The following LY6H variants were observed in gnomAD, a reference collection of about 807,000 sequenced individuals.
LY6H encodes the protein lymphocyte antigen 6 family member H.
Under a neutral mutation model 14.6 loss-of-function variants are expected in LY6H, and 8 were observed. That is an observed-to-expected ratio of 0.55 (90% confidence interval 0.32 to 0.99). The LOEUF (loss-of-function observed/expected upper bound fraction) is 0.99. LY6H is among the 50% of genes least tolerant of loss of function. The pLI, the probability that LY6H is intolerant of heterozygous loss-of-function variation, is 0.04. For missense variants in LY6H, 196 were observed against 219.6 expected (o/e 0.89, Z 0.68); for synonymous variants, 115 against 97.2 (o/e 1.18, Z -1.08).
At chr8:143,159,890 C>T (rs1815555981) in intron 1 of LY6H, 181 bp from the exon 2 acceptor site, 27 of 1,158,362 alleles carry the variant, frequency 2.3e-5, no homozygotes, top group Non-Finnish European at 2.6e-5. Flanking sequence ...CGTCTGGCCT[C>T]TGGGGCGAGG....
At chr8:143,160,150 G>A (rs1815564231) in intron 1 of LY6H, 48 bp downstream of exon 1, 2 of 1,264,386 alleles carry the variant, frequency 1.6e-6, no homozygotes, top group Non-Finnish European at 2.0e-6. Context: ...GGCGCTCACC[G>A]CGGATGGGGC....
rs777797646 is a variant in LY6H, at chr8:143,158,821, T to C, written c.232A>G (p.Ile78Val). 1.3e-6 allele frequency: 2 copies of C among 1,595,528 alleles called. No homozygotes were observed. The highest frequency in any genetic ancestry group is 1.7e-6 in the Non-Finnish European group (2 of 1,166,768). Residue 78 changes from isoleucine to valine, a missense_variant, in exon 3 of 4, where the codon ATC becomes GTC. By Grantham distance (29) the Ile-to-Val change is conservative. Coordinates refer to ENST00000342752, the MANE Select transcript of LY6H (RefSeq NM_001135655.2). Reference sequence around the variant, plus strand: ...AACTTACTGCTGCTGGGATCGGTGATTCGGACACTGGCACACACCGTGTCG... The same window carrying C: ...AACTTACTGCTGCTGGGATCGGTGACTCGGACACTGGCACACACCGTGTCG... The part of the protein sequence containing the change: ...PSDTVCASVR[I>V]TDPSSSRKDH...
Position 143,157,997 on chromosome 8 carries a change from G to A in LY6H, c.*253C>T. On this transcript the variant is annotated 3_prime_UTR_variant, in exon 4 of 4. Coordinates refer to ENST00000342752, the MANE Select transcript of LY6H (RefSeq NM_001135655.2). ...TTGCTTCACTTCCCCTCCGGGACCT[G>A]GGGGTCCCCCCCCACCCTCATCCCC... 2.2e-6 allele frequency: 1 copy of A among 459,140 alleles called. No individual in the cohort carries two copies. 28.4% of individuals were successfully genotyped at this position (459,140 alleles called of 1,614,324 possible).
chr8:143,158,149 T>C lies in LY6H; in HGVS notation c.*101A>G. ...GAGCCACAGGCCACAGCCACGGAGCTGGGCCAAGGCTGCCCCCAGCCCCAG... is the reference window on the plus strand; with the variant it reads ...GAGCCACAGGCCACAGCCACGGAGCCGGGCCAAGGCTGCCCCCAGCCCCAG... On this transcript the variant is annotated 3_prime_UTR_variant, in exon 4 of 4. Coordinates refer to ENST00000342752, the MANE Select transcript of LY6H (RefSeq NM_001135655.2). 1 of 767,458 alleles carries C rather than the reference T, an allele frequency of 1.3e-6. No homozygotes were observed. The highest frequency in any genetic ancestry group is 2.7e-5 in the East Asian group (1 of 37,154). 47.5% of individuals were successfully genotyped at this position (767,458 alleles called of 1,614,324 possible).
At chr8:143,160,100 C>A in intron 1 of LY6H, 98 bp downstream of exon 1, 1 of 1,078,094 alleles carries the variant, frequency 9.3e-7, no homozygotes, top group Non-Finnish European at 1.2e-6. Context: ...GCCGGGAACC[C>A]CGGGCCGAGT....
intron 2 of LY6H, 23 bp from the exon 3 acceptor site, chr8:143,158,945 G>T (rs1367415173): frequency 4.3e-6 from 7 of 1,611,344 alleles, no homozygotes; most frequent in Non-Finnish European, 5.9e-6. Flanking sequence ...TGGGGAGGAG[G>T]GTGACCAGAG....
rs752911070 is a variant in LY6H at position 143,158,283 on chromosome 8, G to A, written c.453C>T (p.Ser151=). The A allele has an allele frequency of 1.9e-6, 3 of 1,612,846 alleles. No homozygotes were observed. The highest frequency in any genetic ancestry group is 3.3e-5 in the Admixed American group (2 of 59,972). ...CAGCCCAGAGGAGGGCAGGCCCCAG[G>A]CTGAGCAGGAGCCCCCCGGCCAGGG... ...PWALAGGLLL[S]LGPALLWAGP is the part of the protein sequence containing the mutation. The change falls in exon 4 of 4, where the codon AGC becomes AGT. Residue 151 remains serine (S), a synonymous_variant. Transcript: ENST00000342752.
At chr8:143,158,755 A>G (rs763629931) in intron 3 of LY6H, 48 bp downstream of exon 3, 11 of 1,551,352 alleles carry the variant, frequency 7.1e-6, no homozygotes, top group Admixed American at 3.6e-5. Context: ...ACCTCTCTCA[A>G]GAGCCTGGCT....
chr8:143,159,666 G>A lies in LY6H; in HGVS notation c.46C>T (p.Pro16Ser), dbSNP rs1563694077. 9.3e-6 allele frequency: 13 copies of A among 1,404,984 alleles called. No individual in the cohort carries two copies. Among genetic ancestry groups the A allele is most frequent in the African/African-American group, 1.5e-5 (1 of 65,820 alleles). The allele number at this position is 1,404,984 out of a possible 1,614,324, so 87.0% of individuals were successfully genotyped here. The stretch of plus-strand genomic sequence containing the variant: ...GGCAGCATGCTCCGGGTGGGCCTGG[G>A]GGCGGCGCGGGGGCTTGGGGCGCGG... ...RTRAPSPRAA[P>S]RPTRSMLPAA... is the part of the protein sequence containing the mutation. Residue 16 changes from proline (P) to serine (S), a missense_variant, in exon 2 of 4, where the codon CCC becomes TCC. Physicochemically the swap from Pro to Ser is moderately conservative, Grantham distance 74. Transcript: ENST00000342752.
At position 143,159,545 on chromosome 8, in the gene LY6H, C is replaced by T. The variant is rs929471990; in HGVS notation, c.130+37G>A. ...CTCTCCCGCGGCGCCTCGGGCTCTC[C>T]CAGGCACCTGACCCAGCCCGCGGGC... On this transcript the variant is annotated intron_variant, in intron 2 of 3. Coordinates refer to ENST00000342752, the MANE Select transcript of LY6H (RefSeq NM_001135655.2). The T allele has an allele frequency of 2.7e-6, 4 of 1,479,814 alleles. No individual in the cohort carries two copies. In the African/African-American group the frequency reaches 5.9e-5, roughly 22 times the overall value. The allele number at this position is 1,479,814 out of a possible 1,614,324, so 91.7% of individuals were successfully genotyped here.
At chr8:143,160,345 G>A, upstream of LY6H, 1 of 557,624 alleles carries the variant, frequency 1.8e-6, no homozygotes, top group Non-Finnish European at 2.6e-6. Flanking sequence ...GAGGGGCGGG[G>A]CGGAGCCGGG....
In LY6H at chr8:143,158,366, C is replaced by T; in HGVS notation, c.370G>A (p.Asp124Asn). 1 of 1,613,924 alleles carries T rather than the reference C, an allele frequency of 6.2e-7. No homozygotes were observed. Among genetic ancestry groups the T allele is most frequent in the Non-Finnish European group, 8.5e-7 (1 of 1,179,930 alleles). ...INSGILKVDV[D>N]CCEKDLCNGA... is the part of the protein sequence containing the mutation. ...TTGCACAAATCCTTCTCGCAGCAGT[C>T]CACGTCGACCTTTAAGATCCCAGAG... The change falls in exon 4 of 4, where the codon GAC becomes AAC. Residue 124 changes from aspartate (D) to asparagine (N), a missense_variant. Asp to Asn is a conservative substitution (Grantham distance 23, BLOSUM62 1). Transcript: ENST00000342752.
chr8:143,159,185 C>A, intron 2 of LY6H: 1 of 593,802 alleles, frequency 1.7e-6, no homozygotes, highest in East Asian at 2.8e-5. Flanking sequence ...AACACACACA[C>A]GGGCTATACA....
intron 2 of LY6H, chr8:143,159,280 G>T: frequency 1.8e-6 from 1 of 543,796 alleles, no homozygotes; most frequent in Non-Finnish European, 3.3e-6. Flanking sequence ...AAGCTGTGAA[G>T]GACCAAACTG....
At chr8:143,159,874 G>C (rs1280016475) in intron 1 of LY6H, 165 bp from the exon 2 acceptor site, 1 of 1,143,740 alleles carries the variant, frequency 8.7e-7, no homozygotes. Flanking sequence ...CATCCCCGCC[G>C]GGAGACGTCT....
intron 1 of LY6H, 52 bp downstream of exon 1, chr8:143,160,146 C>T: frequency 7.9e-7 from 1 of 1,259,262 alleles, no homozygotes; most frequent in Non-Finnish European, 1.0e-6. Context: ...CCTCGGCGCT[C>T]ACCGCGGATG....
At position 143,159,908 on chromosome 8, in the gene LY6H, TC is replaced by T. The variant is rs1815556559; in HGVS notation, c.3-200del. Reference sequence around the variant, plus strand: ...CTGGCCTCTGGGGCGAGGTGACAGCTCGAGACGCCTCCGCCCCGCGCCGGCA... The same window carrying T: ...CTGGCCTCTGGGGCGAGGTGACAGCTGAGACGCCTCCGCCCCGCGCCGGCA... On this transcript the variant is annotated intron_variant, in intron 1 of 3. Coordinates refer to ENST00000342752, the MANE Select transcript of LY6H (RefSeq NM_001135655.2). 3 of 1,174,864 alleles carry T rather than the reference TC, an allele frequency of 2.6e-6. No homozygotes were observed. In the African/African-American group the frequency reaches 4.8e-5, roughly 19 times the overall value. The allele number at this position is 1,174,864 out of a possible 1,614,324, so 72.8% of individuals were successfully genotyped here. A position where few individuals can be genotyped will look rare whatever the true frequency, so the allele number is the denominator to read the frequency against.
Position 143,159,662 on chromosome 8 carries a change from C to T in LY6H, c.50G>A (p.Arg17Lys). The T allele has an allele frequency of 7.1e-7, 1 of 1,408,466 alleles. No homozygotes were observed. The allele number at this position is 1,408,466 out of a possible 1,614,324, so 87.2% of individuals were successfully genotyped here. ...TGCAGGCAGCATGCTCCGGGTGGGC[C>T]TGGGGGCGGCGCGGGGGCTTGGGGC... is the stretch of plus-strand genomic sequence containing the variant. ...TRAPSPRAAP[R>K]PTRSMLPAAM... Residue 17 changes from arginine (R) to lysine (K), a missense_variant, in exon 2 of 4, where the codon AGG (arginine) becomes AAG (lysine). Coordinates refer to ENST00000342752, the MANE Select transcript of LY6H (RefSeq NM_001135655.2).
At chr8:143,160,400 G>A, upstream of LY6H, 1 of 160,238 alleles carries the variant, frequency 6.2e-6, no homozygotes, top group Non-Finnish European at 1.3e-5. Flanking sequence ...GACGCGCGGG[G>A]CGGGGGGCGC....
Sources: gnomAD v4.1 joint callset for allele counts on GRCh38, gnomAD v4.1.1 for gene constraint, MANE v1.5 for transcripts, NCBI Gene and HGNC (gene_info 2026-07-23, HGNC 2026-07-21) for gene names.